TSHZ3: variants seen among roughly 807,000 people sequenced by gnomAD.
TSHZ3 encodes the protein teashirt zinc finger homeobox 3.
In TSHZ3, 10 loss-of-function variants were observed where a neutral mutation model predicts 64.5. The ratio of observed to expected loss-of-function variants is 0.16; its 90% CI spans 0.10 to 0.26. TSHZ3 has a LOEUF of 0.26. Among genes scored for constraint, TSHZ3 ranks in the 10% least tolerant of loss-of-function variants. TSHZ3 has a pLI of 1.00. For missense variants in TSHZ3, 1,242 were observed against 1,421.7 expected (o/e 0.87, Z 2.03); for synonymous variants, 608 against 593.1 (o/e 1.03, Z -0.36).
In TSHZ3 at chr19:31,317,201, C is replaced by A. The variant is rs143269046; in HGVS notation, c.40+31979G>T. Among the ~76,000 whole-genome samples the A allele has an allele frequency of 3.6e-3, 547 of 152,206 alleles. 2 individuals are homozygous for A. Among genetic ancestry groups the A allele is most frequent in the African/African-American group, 0.013 (528 of 41,528 alleles). Reference sequence around the variant, plus strand: ...CCTCCCCTCCAGCTCTCTGGGCATGCCCCCAGCCCCAGCCCCAGCCAGAGC... The same window carrying A: ...CCTCCCCTCCAGCTCTCTGGGCATGACCCCAGCCCCAGCCCCAGCCAGAGC... On this transcript the variant is annotated intron_variant, in intron 1 of 1. Transcript: ENST00000240587.
chr19:31,294,039 G>C (rs1367593372), intron 1 of TSHZ3, among the ~76,000 whole-genome samples: 2 of 152,122 alleles, frequency 1.3e-5, no homozygotes, highest in African/African-American at 4.8e-5. Flanking sequence ...GTAAGAACCA[G>C]GGCCACCAGG....
intron 1 of TSHZ3, among the ~76,000 whole-genome samples, chr19:31,302,607 A>G (rs1177157917): frequency 1.3e-5 from 2 of 151,842 alleles, no homozygotes; most frequent in Non-Finnish European, 2.9e-5. Context: ...ACTGACCTTT[A>G]TAAGTGTGCT....
intron 5 of TSHZ3, among the ~76,000 whole-genome samples, chr19:31,193,539 C>T (rs1974943389): frequency 1.3e-5 from 2 of 152,152 alleles, no homozygotes; most frequent in African/African-American, 4.8e-5. Context: ...CACCTAATTA[C>T]CTGTGTCGCG....
chr19:31,302,082 A>G (rs1312826544), intron 1 of TSHZ3, among the ~76,000 whole-genome samples: 1 of 152,164 alleles, frequency 6.6e-6, no homozygotes, highest in East Asian at 1.9e-4. Flanking sequence ...GGGCCCTTAC[A>G]TAAAGTTTGT....
chr19:31,151,966 C>T (rs748622942), intron 6 of TSHZ3, among the ~76,000 whole-genome samples: 24 of 152,040 alleles, frequency 1.6e-4, no homozygotes, highest in Non-Finnish European at 2.9e-4. Flanking sequence ...AAGTTAACTC[C>T]ATAACTTATT....
chr19:31,272,627 G>C (rs960812910), downstream of TSHZ3, among the ~76,000 whole-genome samples: 6 of 152,110 alleles, frequency 3.9e-5, no homozygotes, highest in Admixed American at 1.3e-4. Context: ...TGACTGCAGC[G>C]AATTGCTAAG....
At chr19:31,171,963 C>T (rs1240392172) in intron 5 of TSHZ3, among the ~76,000 whole-genome samples, 1 of 152,146 alleles carries the variant, frequency 6.6e-6, no homozygotes, top group African/African-American at 2.4e-5. Flanking sequence ...AGTGAAGACC[C>T]ATTTGTTCAT....
intron 1 of TSHZ3, among the ~76,000 whole-genome samples, chr19:31,346,915 T>G (rs2145204507): frequency 6.6e-6 from 1 of 151,366 alleles, no homozygotes; most frequent in Middle Eastern, 3.4e-3. Flanking sequence ...CCTCCACATG[T>G]CCATTAGGCA....
At chr19:31,288,423 C>G (rs1041400983) in intron 1 of TSHZ3, among the ~76,000 whole-genome samples, 6 of 152,172 alleles carry the variant, frequency 3.9e-5, no homozygotes, top group African/African-American at 1.4e-4. Context: ...CACTTACCTG[C>G]CTTCTTCACA....
rs565085567 is a variant in TSHZ3, at chr19:31,326,575, T to C, written c.40+22605A>G. 4.6e-5 allele frequency among the ~76,000 whole-genome samples: 7 copies of C among 152,334 alleles called. No individual in the cohort carries two copies. The East Asian group carries it at 1.4e-3, about 29-fold the overall frequency. On this transcript the variant is annotated intron_variant, in intron 1 of 1. Transcript: ENST00000240587. ...ACCCAGATGCTCGGAGCCTGCACAG[T>C]GAGGGTGGTGCTGACCTCCCCTCAT...
chr19:31,344,040 A>C (rs1160651552), intron 1 of TSHZ3, among the ~76,000 whole-genome samples: 1 of 152,226 alleles, frequency 6.6e-6, no homozygotes, highest in Non-Finnish European at 1.5e-5. Context: ...CTGCCTGTCT[A>C]TTGAGTCTAA....
chr19:31,176,194 C>G (rs2145120490), intron 5 of TSHZ3, among the ~76,000 whole-genome samples: 1 of 152,232 alleles, frequency 6.6e-6, no homozygotes, highest in Non-Finnish European at 1.5e-5. Context: ...AGGGGACATC[C>G]AGGAGAGAGG....
intron 1 of TSHZ3, among the ~76,000 whole-genome samples, chr19:31,297,649 G>A (rs1445778011): frequency 6.6e-6 from 1 of 151,888 alleles, no homozygotes. Flanking sequence ...TATTTTTTTT[G>A]TAGAGTCAGG....
chr19:31,182,740 A>T (rs1056298047), intron 5 of TSHZ3, among the ~76,000 whole-genome samples: 1 of 152,190 alleles, frequency 6.6e-6, no homozygotes, highest in Non-Finnish European at 1.5e-5. Context: ...TTAAAAGAAG[A>T]TAAGTTTCTT....
At chr19:31,202,832 G>A (rs1185573080) in intron 5 of TSHZ3, among the ~76,000 whole-genome samples, 1 of 152,180 alleles carries the variant, frequency 6.6e-6, no homozygotes, top group Non-Finnish European at 1.5e-5. Context: ...AAATAGTGTT[G>A]GAGATTGACA....
chr19:31,249,799 C>T (rs1175529735), intron 1 of TSHZ3, among the ~76,000 whole-genome samples: 2 of 152,206 alleles, frequency 1.3e-5, no homozygotes, highest in African/African-American at 2.4e-5. Flanking sequence ...ACCCCAGCTT[C>T]CTCCAAGGTG....
intron 1 of TSHZ3, among the ~76,000 whole-genome samples, chr19:31,311,248 G>T (rs1916450237): frequency 1.3e-5 from 2 of 152,350 alleles, no homozygotes; most frequent in Middle Eastern, 3.4e-3. Flanking sequence ...GCTGAAGGGG[G>T]TTATTAATCC....
At chr19:31,292,807 C>T (rs994528145) in intron 1 of TSHZ3, among the ~76,000 whole-genome samples, 1 of 151,342 alleles carries the variant, frequency 6.6e-6, no homozygotes, top group African/African-American at 2.4e-5. Flanking sequence ...TCCATCCATC[C>T]AAACACCCAT....
intron 3 of TSHZ3, among the ~76,000 whole-genome samples, chr19:31,228,645 TCTTC>T (rs962625100): frequency 1.1e-4 from 16 of 152,286 alleles, no homozygotes; most frequent in African/African-American, 3.6e-4. Flanking sequence ...GGTCAAACTT[TCTTC>T]CTTGAGCTGG....
Sources: allele counts gnomAD v4.1 joint callset (sites outside exome capture counted in the v4.1 genomes callset), GRCh38; gene constraint gnomAD v4.1.1; transcripts MANE v1.5; gene names NCBI Gene and HGNC (gene_info 2026-07-23, HGNC 2026-07-21).